BABAM2: variants seen among roughly 807,000 people sequenced by gnomAD.
BABAM2 encodes BRISC and BRCA1 A complex member 2, also known as BRISC and BRCA1-A complex member 2.
In BABAM2, 31 loss-of-function variants were observed where a neutral mutation model predicts 54.7. The observed-to-expected ratio is 0.57, with a 90% CI of 0.43 to 0.77. The LOEUF (loss-of-function observed/expected upper bound fraction) is 0.77, where lower values mean the gene tolerates loss of function less well. Among genes scored for constraint, BABAM2 ranks in the 30% least tolerant of loss-of-function variants. BABAM2 has a pLI of 0.00. For missense variants in BABAM2, 364 were observed against 455.8 expected, an observed-to-expected ratio of 0.80 and a Z score of 1.83; for synonymous variants, 167 against 162.9, an observed-to-expected ratio of 1.03 and a Z score of -0.19.
intron 6 of BABAM2, among the ~76,000 whole-genome samples, chr2:28,095,902 T>C (rs538076677): frequency 6.6e-6 from 1 of 152,312 alleles, no homozygotes; most frequent in East Asian, 1.9e-4. Flanking sequence ...TTCTACCAAG[T>C]ACTCTCTGTA....
intron 10 of BABAM2, 69 bp from the exon 11 acceptor site, chr2:28,298,269 T>C: frequency 1.3e-6 from 2 of 1,520,788 alleles, no homozygotes; most frequent in Non-Finnish European, 1.8e-6. Context: ...CATTCGGATT[T>C]AGTCAAAAAA....
At chr2:28,019,720 A>G (rs1025774206) in intron 4 of BABAM2, among the ~76,000 whole-genome samples, 2 of 152,174 alleles carry the variant, frequency 1.3e-5, no homozygotes, top group African/African-American at 4.8e-5. Context: ...GTGGCTTGCC[A>G]GTTATTTCAG....
intron 7 of BABAM2, among the ~76,000 whole-genome samples, chr2:28,231,785 CTTTTTTT>C (rs549515372): frequency 0.048 from 2,654 of 55,778 alleles, 21 homozygotes; most frequent in East Asian, 0.11. Context: ...AGAGAGATGT[CTTTTTTT>C]TTTTTTTTTT....
At chr2:28,111,488 T>A (rs116613137) in intron 6 of BABAM2, among the ~76,000 whole-genome samples, 1,926 of 152,324 alleles carry the variant, frequency 0.013, 39 homozygotes, top group African/African-American at 0.044. Context: ...CAAATAGTTT[T>A]AAAATTTTCA....
chr2:28,015,485 A>T (rs1674733051), intron 4 of BABAM2, among the ~76,000 whole-genome samples: 1 of 152,130 alleles, frequency 6.6e-6, no homozygotes, highest in Non-Finnish European at 1.5e-5. Flanking sequence ...TTATTCCCAA[A>T]TATCTTAACC....
intron 3 of BABAM2, among the ~76,000 whole-genome samples, chr2:27,975,458 G>A (rs940180007): frequency 2.0e-5 from 3 of 151,968 alleles, no homozygotes; most frequent in Non-Finnish European, 2.9e-5. Context: ...CCACAAAAAC[G>A]CAAAGGCACT....
chr2:27,901,087 C>A (rs774068223), intron 2 of BABAM2, among the ~76,000 whole-genome samples: 1 of 149,294 alleles, frequency 6.7e-6, no homozygotes, highest in Non-Finnish European at 1.5e-5. Context: ...AGTGTATTAT[C>A]TAATACTGGA....
At chr2:28,109,897 T>C (rs1009321367) in intron 6 of BABAM2, among the ~76,000 whole-genome samples, 34 of 152,220 alleles carry the variant, frequency 2.2e-4, no homozygotes, top group Admixed American at 1.4e-3. Context: ...ATAAAAACCA[T>C]CTTAACCATT....
intron 2 of BABAM2, among the ~76,000 whole-genome samples, chr2:27,914,141 T>A (rs1420047075): frequency 2.6e-5 from 4 of 152,200 alleles, no homozygotes; most frequent in Admixed American, 1.3e-4. Flanking sequence ...GTTAACCATA[T>A]GATCTATGAA....
At chr2:28,118,841 G>C (rs1668821731) in intron 6 of BABAM2, among the ~76,000 whole-genome samples, 1 of 152,010 alleles carries the variant, frequency 6.6e-6, no homozygotes, top group Non-Finnish European at 1.5e-5. Context: ...TTTCTTCTAG[G>C]GTTTTTATGG....
chr2:28,240,932 A>G lies in BABAM2; in HGVS notation c.781-391A>G, dbSNP rs139059065. On this transcript the variant is annotated intron_variant, in intron 8 of 11. Coordinates refer to ENST00000379624, the MANE Select transcript of BABAM2 (RefSeq NM_199191.3). Reference sequence around the variant, plus strand: ...AATTCTTTTGAATTAAAAAATAAAAATAAACATTTTGGGGACAATTAGGAA... The same window carrying G: ...AATTCTTTTGAATTAAAAAATAAAAGTAAACATTTTGGGGACAATTAGGAA... 3.7e-3 allele frequency among the ~76,000 whole-genome samples: 567 copies of G among 152,234 alleles called. 4 individuals carry two copies. The highest frequency in any genetic ancestry group is 0.013 in the African/African-American group (536 of 41,548).
intron 2 of BABAM2, among the ~76,000 whole-genome samples, chr2:27,899,867 G>A (rs997439346): frequency 6.6e-6 from 1 of 152,126 alleles, no homozygotes; most frequent in Non-Finnish European, 1.5e-5. Context: ...CTTCAAAAAA[G>A]AAATAAAAAT....
chr2:28,026,973 TATATAAATATATATAA>T (rs1396986110), intron 5 of BABAM2, among the ~76,000 whole-genome samples: 6 of 106,008 alleles, frequency 5.7e-5, no homozygotes, highest in Non-Finnish European at 1.1e-4. Context: ...TATATATAAA[TATATAAATATATATAA>T]AAATATATAA....
At chr2:28,035,173 T>G (rs1255763310) in intron 5 of BABAM2, among the ~76,000 whole-genome samples, 2 of 152,216 alleles carry the variant, frequency 1.3e-5, no homozygotes, top group African/African-American at 4.8e-5. Context: ...TTTTTTTGCC[T>G]TTTAAATTGT....
At chr2:28,283,071 G>C (rs1336736971) in intron 10 of BABAM2, among the ~76,000 whole-genome samples, 1 of 148,312 alleles carries the variant, frequency 6.7e-6, no homozygotes, top group African/African-American at 2.5e-5. Flanking sequence ...TGTAGTAAGA[G>C]ATCTTTCAAG....
At chr2:28,297,478 T>C (rs1258109456) in intron 10 of BABAM2, among the ~76,000 whole-genome samples, 2 of 152,118 alleles carry the variant, frequency 1.3e-5, no homozygotes, top group Non-Finnish European at 2.9e-5. Flanking sequence ...AAACAGTCTG[T>C]GTTTTTAATG....
chr2:27,896,902 A>G lies in BABAM2; in HGVS notation c.128+2218A>G, dbSNP rs768174178. 4.7e-4 allele frequency: 84 copies of G among 178,346 alleles called. 2 individuals carry two copies. The highest frequency in any genetic ancestry group is 1.9e-3 in the Middle Eastern group (2 of 1,030). 11.0% of individuals were successfully genotyped at this position (178,346 alleles called of 1,614,324 possible). On this transcript the variant is annotated intron_variant, in intron 2 of 11. Coordinates refer to ENST00000379624, the MANE Select transcript of BABAM2 (RefSeq NM_199191.3). ...GTGAAAGATCTCTGGTGATGGTCATATCAGTGTCTCTGTGGGTAGTACTTT... is the reference window on the plus strand; with the variant it reads ...GTGAAAGATCTCTGGTGATGGTCATGTCAGTGTCTCTGTGGGTAGTACTTT...
chr2:27,924,507 C>A (rs150645046), intron 2 of BABAM2, among the ~76,000 whole-genome samples: 5 of 152,084 alleles, frequency 3.3e-5, no homozygotes, highest in African/African-American at 7.2e-5. Context: ...TCCTCAGCCT[C>A]CCTAGTAGCT....
At chr2:28,321,054 G>A (rs929007165) in intron 11 of BABAM2, among the ~76,000 whole-genome samples, 1 of 152,186 alleles carries the variant, frequency 6.6e-6, no homozygotes, top group Admixed American at 6.5e-5. Context: ...TTCCCAGGAG[G>A]TCCAGGCCCT....
Sources: allele counts gnomAD v4.1 joint callset (sites outside exome capture counted in the v4.1 genomes callset), GRCh38; gene constraint gnomAD v4.1.1; transcripts MANE v1.5; gene names NCBI Gene and HGNC (gene_info 2026-07-23, HGNC 2026-07-21).